ADGRG3: variants seen among roughly 807,000 people sequenced by gnomAD.
The protein encoded by ADGRG3 is adhesion G protein-coupled receptor G3.
ADGRG3 carries 39 observed loss-of-function variants against 54.3 expected under a neutral mutation model. The observed-to-expected ratio is 0.72, with a 90% CI of 0.56 to 0.94. ADGRG3 has a LOEUF of 0.94. ADGRG3 is among the 40% of genes least tolerant of loss of function. The pLI is 0.00. For synonymous variants in ADGRG3, 312 were observed against 290.0 expected (o/e 1.08, Z -0.77); for missense variants, 654 against 694.6 (o/e 0.94, Z 0.66).
Position 57,673,340 on chromosome 16 carries a change from A to G in ADGRG3, c.78A>G (p.Glu26=), listed in dbSNP as rs1328768015. The G allele has an allele frequency of 6.2e-7, 1 of 1,613,184 alleles. No individual in the cohort carries two copies. The highest frequency in any genetic ancestry group is 1.6e-4 in the Middle Eastern group (1 of 6,062). ...CCTTAGGTCAGGAAAAGCCCACCGA[A>G]GGGCCAAGAAACACCTGCCTGGGGA... ...LPTSGQEKPT[E]GPRNTCLGSN... is the part of the protein sequence containing the mutation. The change falls in exon 2 of 12, where the codon GAA becomes GAG. Residue 26 remains glutamate (E), a synonymous_variant. Coordinates refer to ENST00000333493, the MANE Select transcript of ADGRG3 (RefSeq NM_170776.5).
At position 57,674,888 on chromosome 16, in the gene ADGRG3, C is replaced by T. The variant is rs185031202; in HGVS notation, c.207-1312C>T. On this transcript the variant is annotated intron_variant, in intron 2 of 11. Transcript: ENST00000333493. ...ACAGGCGCCTGTAATCCCAGCTACT[C>T]GGGAGGCTGAGGTGGGAGAATTGCT... 3.4e-5 allele frequency among the ~76,000 whole-genome samples: 5 copies of T among 146,882 alleles called. No individual in the cohort carries two copies. In the East Asian group the frequency reaches 6.2e-4, roughly 18 times the overall value.
intron 4 of ADGRG3, 28 bp from the exon 5 acceptor site, chr16:57,679,149 C>T (rs1279219106): frequency 7.4e-6 from 12 of 1,612,468 alleles, no homozygotes; most frequent in Non-Finnish European, 1.0e-5. Flanking sequence ...CTTCTGCAGC[C>T]TGGCCTCCCC....
At chr16:57,684,667 A>G (rs1291927105) in intron 10 of ADGRG3, among the ~76,000 whole-genome samples, 184 bp downstream of exon 10, 6 of 152,102 alleles carry the variant, frequency 3.9e-5, no homozygotes, top group East Asian at 3.9e-4. Context: ...AGAGAGAGAG[A>G]GGGGAAGTGA....
chr16:57,667,576 C>T (rs1336055542), upstream of ADGRG3, among the ~76,000 whole-genome samples: 2 of 152,252 alleles, frequency 1.3e-5, no homozygotes, highest in South Asian at 2.1e-4. Context: ...TCACACACCT[C>T]GGGAGGCTCA....
At chr16:57,681,389 C>T (rs530703411) in intron 8 of ADGRG3, among the ~76,000 whole-genome samples, 12 of 148,112 alleles carry the variant, frequency 8.1e-5, no homozygotes, top group Admixed American at 3.3e-4. Flanking sequence ...CGCGTGCGTG[C>T]GCGCAGGACA....
At chr16:57,679,770 C>A (rs772910716) in intron 5 of ADGRG3, 46 bp from the exon 6 acceptor site, 2 of 1,546,668 alleles carry the variant, frequency 1.3e-6, no homozygotes, top group Non-Finnish European at 8.9e-7. Context: ...TGCCCTCCCC[C>A]AAACTTCCCT....
At chr16:57,671,451 C>T (rs1471023180) in intron 1 of ADGRG3, among the ~76,000 whole-genome samples, 3 of 150,120 alleles carry the variant, frequency 2.0e-5, no homozygotes, top group African/African-American at 7.4e-5. Context: ...AGCAATTCTC[C>T]TGCCTCAGCC....
chr16:57,683,314 G>A (rs928242685), intron 8 of ADGRG3, among the ~76,000 whole-genome samples: 2 of 152,164 alleles, frequency 1.3e-5, no homozygotes, highest in Non-Finnish European at 2.9e-5. Flanking sequence ...GTACGTTTGT[G>A]TGTCACCTCC....
Position 57,681,839 on chromosome 16 carries a change from C to T in ADGRG3, c.881+1222C>T, listed in dbSNP as rs563361377. Among the ~76,000 whole-genome samples, 5 of 151,998 alleles carry T rather than the reference C, an allele frequency of 3.3e-5. No homozygotes were observed. The South Asian group carries it at 6.2e-4, about 19-fold the overall frequency. ...GACAGTAGAACATTAAGTCCTTCTGCGTATGGGGTCCTACAGAGGTCACAT... is the reference window on the plus strand; with the variant it reads ...GACAGTAGAACATTAAGTCCTTCTGTGTATGGGGTCCTACAGAGGTCACAT... On this transcript the variant is annotated intron_variant, in intron 8 of 11. Transcript: ENST00000333493.
At position 57,673,425 on chromosome 16, in the gene ADGRG3, A is replaced by G. The variant is rs775954769; in HGVS notation, c.163A>G (p.Arg55Gly). ...CAAGGCTTTGTGCTTCACCAAGTGC[A>G]GGCAGTCGGGCAGCGACTCCTGCAA... is the stretch of plus-strand genomic sequence containing the variant. ...NDKALCFTKC[R>G]QSGSDSCNVE... Residue 55 changes from arginine (R) to glycine (G), a missense_variant, in exon 2 of 12, where the codon AGG becomes GGG. Transcript: ENST00000333493. 29 of 1,612,154 alleles carry G rather than the reference A, an allele frequency of 1.8e-5. No homozygotes were observed. The highest frequency in any genetic ancestry group is 2.1e-5 in the Non-Finnish European group (25 of 1,178,234).
chr16:57,687,714 T>C (rs78875138), intron 11 of ADGRG3, among the ~76,000 whole-genome samples: 1,819 of 152,302 alleles, frequency 0.012, 38 homozygotes, highest in African/African-American at 0.039. Context: ...TCCCAGGGGT[T>C]GATGGTTGGG....
In ADGRG3 at chr16:57,680,267, A is replaced by C. The variant is rs960381119; in HGVS notation, c.670A>C (p.Thr224Pro). ...TGTTCCCCTGGCCTCCTCTCCAGGG[A>C]CCACTGGAGACTGGTCTTCTGAGGG... ...TCVFWDVTKG[T>P]TGDWSSEGCS... The change falls in exon 7 of 12, where the codon ACC (threonine) becomes CCC (proline). Residue 224 changes from threonine to proline, a missense_variant and splice_region_variant. Physicochemically the swap from Thr to Pro is conservative, Grantham distance 38 (BLOSUM62 -1). Coordinates refer to ENST00000333493, the MANE Select transcript of ADGRG3 (RefSeq NM_170776.5). 8.4e-6 allele frequency: 13 copies of C among 1,541,032 alleles called. No individual in the cohort carries two copies. Among genetic ancestry groups the C allele is most frequent in the East Asian group, 4.9e-5 (2 of 41,004 alleles).
chr16:57,678,442 G>T (rs866782719), intron 4 of ADGRG3, 126 bp downstream of exon 4: 1 of 907,510 alleles, frequency 1.1e-6, no homozygotes. Context: ...GCCTCTTAGT[G>T]TTTCTAATGC....
intron 1 of ADGRG3, among the ~76,000 whole-genome samples, chr16:57,669,130 G>A (rs1192029050): frequency 2.6e-5 from 4 of 152,128 alleles, no homozygotes; most frequent in African/African-American, 7.2e-5. Context: ...ACAGAGGGAG[G>A]TGCTCCCCCG....
At chr16:57,682,428 A>C (rs1006481219) in intron 8 of ADGRG3, 1 of 958,036 alleles carries the variant, frequency 1.0e-6, no homozygotes, top group Non-Finnish European at 1.2e-6. Flanking sequence ...GGCCCACCCA[A>C]TCCATCACAG....
intron 2 of ADGRG3, 72 bp downstream of exon 2, chr16:57,673,540 C>G: frequency 7.3e-7 from 1 of 1,367,716 alleles, no homozygotes; most frequent in South Asian, 1.3e-5. Context: ...AGGGATGGGG[C>G]CATCTTCCCC....
intron 11 of ADGRG3, 73 bp downstream of exon 11, chr16:57,685,999 G>A: frequency 3.3e-6 from 5 of 1,495,294 alleles, no homozygotes; most frequent in African/African-American, 1.4e-5. Context: ...TGGGGAAGAG[G>A]GTGGTTTGCA....
Position 57,673,320 on chromosome 16 carries a change from G to A in ADGRG3, c.59-1G>A, listed in dbSNP as rs143915201. 6.2e-7 allele frequency: 1 copy of A among 1,611,982 alleles called. No individual in the cohort carries two copies. Among genetic ancestry groups the A allele is most frequent in the South Asian group, 1.1e-5 (1 of 91,034 alleles). On this transcript the variant is annotated splice_acceptor_variant, in intron 1 of 11. Transcript: ENST00000333493. LOFTEE classifies it high-confidence loss of function. ...TCACACTCTCTGCATTCCTTCCTTA[G>A]GTCAGGAAAAGCCCACCGAAGGGCC...
rs1434351696 is a variant in ADGRG3 at position 57,684,229 on chromosome 16, T to C, written c.1162+17T>C. On this transcript the variant is annotated intron_variant, in intron 9 of 11. Coordinates refer to ENST00000333493, the MANE Select transcript of ADGRG3 (RefSeq NM_170776.5). ...TGGGCTGGGGTAGGTGCTGCCTGGA[T>C]GGACAGAATAAACGGCCGGCCCTGA... 1 of 1,607,008 alleles carries C rather than the reference T, an allele frequency of 6.2e-7. No individual in the cohort carries two copies. The highest frequency in any genetic ancestry group is 2.2e-5 in the East Asian group (1 of 44,756).
Sources: gnomAD v4.1 joint callset for allele counts (sites outside exome capture counted in the v4.1 genomes callset) on GRCh38, gnomAD v4.1.1 for gene constraint, MANE v1.5 for transcripts, NCBI Gene and HGNC (gene_info 2026-07-23, HGNC 2026-07-21) for gene names.